The following STEAP2 variants were observed in gnomAD, a reference collection of about 807,000 sequenced individuals.
STEAP2 encodes the protein STEAP2 metalloreductase.
STEAP2 carries 30 observed loss-of-function variants against 46.4 expected under a neutral mutation model. The observed-to-expected ratio is 0.65, with a 90% CI of 0.48 to 0.88. The LOEUF (loss-of-function observed/expected upper bound fraction) is 0.88, where lower values mean the gene tolerates loss of function less well. STEAP2 is among the 40% of genes least tolerant of loss of function. The pLI is 0.00. For synonymous variants in STEAP2, 180 were observed against 200.5 expected (o/e 0.90, Z 0.86); for missense variants, 513 against 579.3 (o/e 0.89, Z 1.18).
chr7:90,234,775 G>C lies in STEAP2; in HGVS notation c.*2151G>C, dbSNP rs563490948. 1.2e-4 allele frequency: 79 copies of C among 650,890 alleles called. No individual in the cohort carries two copies. The South Asian group carries it at 2.8e-3, about 23-fold the overall frequency. The allele number at this position is 650,890 out of a possible 1,614,324, so 40.3% of individuals were successfully genotyped here. On this transcript the variant is annotated 3_prime_UTR_variant, in exon 6 of 6. Coordinates refer to ENST00000394621, the MANE Select transcript of STEAP2 (RefSeq NM_001244944.2). The stretch of plus-strand genomic sequence containing the variant: ...TCACCGTGTTAGCCAGGATGGTCTC[G>C]ATCTCCTGACCTCGTGATCCGCCCG...
intron 2 of STEAP2, among the ~76,000 whole-genome samples, chr7:90,219,461 T>A (rs1471924329): frequency 2.0e-5 from 3 of 152,308 alleles, no homozygotes; most frequent in Non-Finnish European, 4.4e-5. Flanking sequence ...TGAAGCATAT[T>A]TTTTCTATCC....
In STEAP2 at chr7:90,216,016, C is replaced by A. The variant is rs150264203; in HGVS notation, c.-146-475C>A. The A allele has an allele frequency of 2.6e-5, 4 of 152,304 alleles. No homozygotes were observed. The East Asian group carries it at 7.7e-4, about 29-fold the overall frequency. 9.4% of individuals were successfully genotyped at this position (152,304 alleles called of 1,614,324 possible). A position where few individuals can be genotyped will look rare whatever the true frequency, so the allele number is the denominator to read the frequency against. The stretch of plus-strand genomic sequence containing the variant: ...TCTTGAACTCCTGACCTCAAGTGAT[C>A]CACCTGCTTCGGCCTCCCAAAGTGC... On this transcript the variant is annotated intron_variant, in intron 1 of 5. Transcript: ENST00000394621.
chr7:90,226,639 T>C (rs1795499914), intron 3 of STEAP2, among the ~76,000 whole-genome samples: 1 of 152,172 alleles, frequency 6.6e-6, no homozygotes, highest in South Asian at 2.1e-4. Flanking sequence ...TTAGAGTCCT[T>C]ATACAAACAT....
At chr7:90,212,196 C>T (rs1794840176) in intron 1 of STEAP2, 151 bp downstream of exon 1, 1 of 152,412 alleles carries the variant, frequency 6.6e-6, no homozygotes, top group Non-Finnish European at 1.5e-5. Flanking sequence ...CATCTCCTGG[C>T]ACCTTAAGGT....
At chr7:90,238,106 G>GC, downstream of STEAP2, 1 of 717,226 alleles carries the variant, frequency 1.4e-6, no homozygotes. Flanking sequence ...CAGTGGCCTA[G>GC]CGCTACCCTG....
chr7:90,235,656 T>C lies in STEAP2; in HGVS notation c.*3032T>C. On this transcript the variant is annotated 3_prime_UTR_variant, in exon 6 of 6. Coordinates refer to ENST00000394621, the MANE Select transcript of STEAP2 (RefSeq NM_001244944.2). ...AGTAATTGTTTTCCTATGAGGAAAA[T>C]AACCATGAGCTGTATCATGCTACTT... 2 of 953,398 alleles carry C rather than the reference T, an allele frequency of 2.1e-6. No individual in the cohort carries two copies. The highest frequency in any genetic ancestry group is 2.5e-6 in the Non-Finnish European group (2 of 800,784). The allele number at this position is 953,398 out of a possible 1,614,324, so 59.1% of individuals were successfully genotyped here.
At chr7:90,227,642 A>G (rs1795559730) in intron 4 of STEAP2, 144 bp downstream of exon 4, 1 of 771,036 alleles carries the variant, frequency 1.3e-6, no homozygotes, top group South Asian at 3.6e-5. Flanking sequence ...TCTTTAAACA[A>G]TGTTTTTGCA....
At chr7:90,230,130 G>A (rs1584246887) in intron 5 of STEAP2, 94 bp downstream of exon 5, 2 of 1,536,956 alleles carry the variant, frequency 1.3e-6, no homozygotes, top group East Asian at 4.5e-5. Flanking sequence ...TTAAAAGGGT[G>A]CCTTTGAGGC....
rs184300893 is a variant in STEAP2, at chr7:90,232,257, G to T, written c.1186-80G>T. ...AGTTTTATCAAAATATAAACATGGT[G>T]TATCTTGATAGTTTAATTTATGAGT... On this transcript the variant is annotated intron_variant, in intron 5 of 5. Transcript: ENST00000394621. 9.6e-4 allele frequency: 1,360 copies of T among 1,413,776 alleles called. 2 individuals carry two copies. The highest frequency in any genetic ancestry group is 1.2e-3 in the Non-Finnish European group (1,241 of 1,078,716). The allele number at this position is 1,413,776 out of a possible 1,614,324, so 87.6% of individuals were successfully genotyped here. A position where few individuals can be genotyped will look rare whatever the true frequency, so the allele number is the denominator to read the frequency against.
downstream of STEAP2, among the ~76,000 whole-genome samples, chr7:90,242,054 T>C (rs1455979654): frequency 2.6e-5 from 4 of 151,950 alleles, no homozygotes; most frequent in East Asian, 7.8e-4. Flanking sequence ...TTCTCACCTG[T>C]CCATGAGTAA....
At chr7:90,241,709 G>A (rs1796063401), downstream of STEAP2, among the ~76,000 whole-genome samples, 3 of 152,180 alleles carry the variant, frequency 2.0e-5, no homozygotes, top group Non-Finnish European at 4.4e-5. Flanking sequence ...ACAGTATGCT[G>A]AGGGTCTGGG....
Position 90,221,014 on chromosome 7 carries a change from A to C in STEAP2, c.-33-4036A>C, listed in dbSNP as rs530119734. 2.0e-4 allele frequency among the ~76,000 whole-genome samples: 31 copies of C among 152,258 alleles called. 1 individual carries two copies. The South Asian group carries it at 2.1e-3, about 10-fold the overall frequency. The stretch of plus-strand genomic sequence containing the variant: ...CTTGATATGACTTCGATTTTTAAAA[A>C]ATTTGTTGAATCTTATTTTGTGTTC... On this transcript the variant is annotated intron_variant, in intron 2 of 5. Coordinates refer to ENST00000394621, the MANE Select transcript of STEAP2 (RefSeq NM_001244944.2).
chr7:90,215,929 C>A (rs1794993547), intron 1 of STEAP2: 1 of 152,120 alleles, frequency 6.6e-6, no homozygotes, highest in Non-Finnish European at 1.5e-5. Context: ...CCTGCCACCA[C>A]CCCTGCCTAA....
At chr7:90,227,702 T>C (rs552165759) in intron 4 of STEAP2, among the ~76,000 whole-genome samples, 6 of 152,306 alleles carry the variant, frequency 3.9e-5, no homozygotes, top group Middle Eastern at 6.8e-3. Context: ...GCTGCTACCA[T>C]CCTTTTCCAT....
At chr7:90,217,704 C>CAA (rs10571794) in intron 2 of STEAP2, among the ~76,000 whole-genome samples, 54 of 99,006 alleles carry the variant, frequency 5.5e-4, no homozygotes, top group Middle Eastern at 5.0e-3. Flanking sequence ...GAATAGTGCG[C>CAA]AAAAAAAAAA....
In STEAP2 at chr7:90,235,026, A is replaced by AT. The variant is rs1359117735; in HGVS notation, c.*2406dup. 7.9e-5 allele frequency: 76 copies of AT among 956,124 alleles called. No individual in the cohort carries two copies. The highest frequency in any genetic ancestry group is 9.2e-5 in the Non-Finnish European group (74 of 803,200). The allele number at this position is 956,124 out of a possible 1,614,324, so 59.2% of individuals were successfully genotyped here. On this transcript the variant is annotated 3_prime_UTR_variant, in exon 6 of 6. Coordinates refer to ENST00000394621, the MANE Select transcript of STEAP2 (RefSeq NM_001244944.2). ...ATGAAAATAACAGCGTATTTTCAATATTTTCTTATTCCTTAAATTCCACTC... is the reference window on the plus strand; with the variant it reads ...ATGAAAATAACAGCGTATTTTCAATATTTTTCTTATTCCTTAAATTCCACTC...
chr7:90,220,210 G>A (rs1043132452), intron 2 of STEAP2, among the ~76,000 whole-genome samples: 1 of 152,186 alleles, frequency 6.6e-6, no homozygotes, highest in Non-Finnish European at 1.5e-5. Context: ...GAGAATTGGT[G>A]TTAGGTCTGT....
At position 90,229,156 on chromosome 7, in the gene STEAP2, A is replaced by C. The variant is rs1445357935; in HGVS notation, c.1021-716A>C. ...AACTTCTAAAGGTAGTCCCTACACA[A>C]AATACCACAAATTCAGAGTTCACCG... On this transcript the variant is annotated intron_variant, in intron 4 of 5. Coordinates refer to ENST00000394621, the MANE Select transcript of STEAP2 (RefSeq NM_001244944.2). Among the ~76,000 whole-genome samples, 4 of 152,186 alleles carry C rather than the reference A, an allele frequency of 2.6e-5. No homozygotes were observed. In the East Asian group the frequency reaches 7.7e-4, roughly 29 times the overall value.
chr7:90,225,224 C>T lies in STEAP2; in HGVS notation c.142C>T (p.Arg48Ter), dbSNP rs1355526795. 5 of 1,613,764 alleles carry T rather than the reference C, an allele frequency of 3.1e-6. No homozygotes were observed. Among genetic ancestry groups the T allele is most frequent in the Middle Eastern group, 1.6e-4 (1 of 6,080 alleles). Reference protein sequence around the residue: ...SGDFAKSLTIRLIRCGYHVVI... With the variant: ...SGDFAKSLTI ...AGATTTTGCCAAATCCTTGACCATT[C>T]GACTTATTAGATGCGGCTATCATGT... The change falls in exon 3 of 6, where the codon CGA becomes TGA. Residue 48 changes from arginine to a stop codon, truncating the protein, a stop_gained. Coordinates refer to ENST00000394621, the MANE Select transcript of STEAP2 (RefSeq NM_001244944.2). LOFTEE classifies it high-confidence loss of function.
Sources: allele counts gnomAD v4.1 joint callset (sites outside exome capture counted in the v4.1 genomes callset), GRCh38; gene constraint gnomAD v4.1.1; transcripts MANE v1.5; gene names NCBI Gene and HGNC (gene_info 2026-07-23, HGNC 2026-07-21).